DPH6: variants seen among roughly 807,000 people sequenced by gnomAD.
DPH6 encodes the protein diphthine--ammonia ligase.
A neutral mutation model predicts 38.2 loss-of-function variants in DPH6; 33 were observed. That is an observed-to-expected ratio of 0.86 (90% confidence interval 0.65 to 1.15). The LOEUF is 1.15. Among genes scored for constraint, DPH6 ranks in the 50% most tolerant of loss-of-function variants. The pLI, the probability that DPH6 is intolerant of heterozygous loss-of-function variation, is 0.00. For missense variants in DPH6, 325 were observed against 320.0 expected, an observed-to-expected ratio of 1.02 and a Z score of -0.12; for synonymous variants, 108 against 103.0, an observed-to-expected ratio of 1.05 and a Z score of -0.30.
At chr15:35,227,329 GCCCGCCAC>G (rs2051489354) in intron 3 of DPH6, among the ~76,000 whole-genome samples, 1 of 151,268 alleles carries the variant, frequency 6.6e-6, no homozygotes, top group Non-Finnish European at 1.5e-5. Flanking sequence ...GACTACAGGC[GCCCGCCAC>G]CACACCCGGC....
intron 3 of DPH6, among the ~76,000 whole-genome samples, chr15:35,280,176 T>C (rs1276531913): frequency 1.3e-5 from 2 of 152,248 alleles, no homozygotes; most frequent in African/African-American, 2.4e-5. Flanking sequence ...ATCTTTCCTA[T>C]CATTATTATT....
chr15:35,499,980 T>C (rs1014413892), intron 3 of DPH6, among the ~76,000 whole-genome samples: 4 of 152,192 alleles, frequency 2.6e-5, no homozygotes, highest in Non-Finnish European at 5.9e-5. Flanking sequence ...TGTGTTGATG[T>C]GGTTTTCCAC....
chr15:35,303,110 C>T (rs2140807344), intron 3 of DPH6, among the ~76,000 whole-genome samples: 1 of 152,152 alleles, frequency 6.6e-6, no homozygotes, highest in Non-Finnish European at 1.5e-5. Flanking sequence ...GTCTCTTACA[C>T]AGCAGTTAGA....
intron 3 of DPH6, among the ~76,000 whole-genome samples, chr15:35,303,234 T>C (rs2052066013): frequency 6.6e-6 from 1 of 152,108 alleles, no homozygotes; most frequent in Middle Eastern, 3.2e-3. Flanking sequence ...CTTCCATCTT[T>C]AATATTTGAA....
At chr15:35,279,072 T>C (rs868597867) in intron 3 of DPH6, among the ~76,000 whole-genome samples, 1 of 122,064 alleles carries the variant, frequency 8.2e-6, no homozygotes, top group Non-Finnish European at 1.7e-5. Context: ...AAAAAAAATA[T>C]ATATATATAT....
rs747309982 is a variant in DPH6, at chr15:35,232,623, A to AAT, written n.201-12043_201-12042dup. Among the ~76,000 whole-genome samples, 149 of 151,934 alleles carry AAT rather than the reference A, an allele frequency of 9.8e-4. No individual in the cohort carries two copies. The Middle Eastern group carries it at 0.01, about 10-fold the overall frequency. On this transcript the variant is annotated intron_variant and non_coding_transcript_variant, in intron 3 of 3. Transcript: ENST00000560386. ...CAAAAACAAACAAACAAACAACAAC[A>AAT]ATATATATATATCCAAGGCATGAAG... is the stretch of plus-strand genomic sequence containing the variant.
At position 35,274,743 on chromosome 15, in the gene DPH6, C is replaced by T. The variant is rs565547360; in HGVS notation, n.201-54161G>A. Among the ~76,000 whole-genome samples the T allele has an allele frequency of 1.4e-4, 21 of 152,228 alleles. No homozygotes were observed. The East Asian group carries it at 4.1e-3, about 29-fold the overall frequency. ...TGATTATTAACAAGTCAGGAAACAA[C>T]AGATACTGGCGAGGCTGTGGAGAAA... On this transcript the variant is annotated intron_variant and non_coding_transcript_variant, in intron 3 of 3. Transcript: ENST00000560386.
At chr15:35,364,904 A>G (rs2052643854) in intron 3 of DPH6, among the ~76,000 whole-genome samples, 1 of 151,878 alleles carries the variant, frequency 6.6e-6, no homozygotes, top group Admixed American at 6.6e-5. Flanking sequence ...AATTACATGT[A>G]TTTTTGAGCT....
chr15:35,315,917 A>G (rs75327825), intron 3 of DPH6, among the ~76,000 whole-genome samples: 2 of 152,152 alleles, frequency 1.3e-5, no homozygotes, highest in Non-Finnish European at 2.9e-5. Context: ...AAGTCACTAC[A>G]TTAAGTGAAA....
chr15:35,256,350 T>G (rs1361663267), intron 3 of DPH6, among the ~76,000 whole-genome samples: 2 of 152,224 alleles, frequency 1.3e-5, no homozygotes, highest in Non-Finnish European at 2.9e-5. Flanking sequence ...TTGACAGTTT[T>G]GTAGTACTAG....
intron 5 of DPH6, among the ~76,000 whole-genome samples, chr15:35,411,328 A>G (rs189310402): frequency 4.6e-5 from 7 of 151,878 alleles, no homozygotes; most frequent in African/African-American, 1.7e-4. Flanking sequence ...TTAGACAATA[A>G]GAGTAGAAAA....
Position 35,223,681 on chromosome 15 carries a change from G to A in DPH6, n.201-3099C>T, listed in dbSNP as rs898089066. ...AGCCTGGGCGACAGAGCAAAACTCC[G>A]TCTCAAAAAAAAAAGCAATCAAATT... On this transcript the variant is annotated intron_variant and non_coding_transcript_variant, in intron 3 of 3. Transcript: ENST00000560386. 4.6e-5 allele frequency among the ~76,000 whole-genome samples: 7 copies of A among 151,028 alleles called. No individual in the cohort carries two copies. The South Asian group carries it at 1.3e-3, about 27-fold the overall frequency.
At chr15:35,390,133 T>C (rs903555680) in intron 6 of DPH6, among the ~76,000 whole-genome samples, 4 of 152,214 alleles carry the variant, frequency 2.6e-5, no homozygotes, top group African/African-American at 9.6e-5. Flanking sequence ...AAATTCTGGG[T>C]TGAAAATTCT....
the DPH6 span, among the ~76,000 whole-genome samples, chr15:35,149,861 G>A: frequency 6.6e-6 from 1 of 152,218 alleles, no homozygotes; most frequent in Non-Finnish European, 1.5e-5. Context: ...CACAGGCTAT[G>A]ATTGCACTAG....
intron 3 of DPH6, among the ~76,000 whole-genome samples, chr15:35,249,890 G>A (rs566265860): frequency 1.3e-5 from 2 of 152,230 alleles, no homozygotes; most frequent in South Asian, 2.1e-4. Context: ...ACGGCCGGGC[G>A]CGGTGGCTCA....
chr15:35,454,931 C>T (rs950735482), intron 3 of DPH6, 111 bp from the exon 4 acceptor site: 6 of 704,870 alleles, frequency 8.5e-6, no homozygotes, highest in Admixed American at 6.5e-5. Flanking sequence ...CTACCTCAAA[C>T]CAGAGTAATT....
intron 3 of DPH6, among the ~76,000 whole-genome samples, chr15:35,481,988 T>G (rs1407534523): frequency 6.6e-6 from 1 of 152,060 alleles, no homozygotes; most frequent in African/African-American, 2.4e-5. Context: ...TAAACCAAAT[T>G]AAGAAGTTAT....
the DPH6 span, among the ~76,000 whole-genome samples, chr15:35,185,530 G>A: frequency 6.6e-6 from 1 of 152,172 alleles, no homozygotes; most frequent in Non-Finnish European, 1.5e-5. Context: ...AAGGAACAGA[G>A]TTGTTGTTTT....
chr15:35,159,537 T>C, the DPH6 span, among the ~76,000 whole-genome samples: 6 of 150,440 alleles, frequency 4.0e-5, no homozygotes, highest in African/African-American at 1.3e-4. Flanking sequence ...GAATAGCTTC[T>C]ATTAAAAAAT....
Sources: allele counts gnomAD v4.1 joint callset (sites outside exome capture counted in the v4.1 genomes callset), GRCh38; gene constraint gnomAD v4.1.1; transcripts MANE v1.5; gene names NCBI Gene and HGNC (gene_info 2026-07-23, HGNC 2026-07-21).